Variants in ZNF185 observed in about 807,000 individuals in gnomAD.
ZNF185 encodes zinc finger protein 185.
ZNF185 carries 56 observed loss-of-function variants against 58.6 expected under a neutral mutation model. That is an observed-to-expected ratio of 0.95 (90% CI 0.77 to 1.19). ZNF185 has a LOEUF of 1.19. ZNF185 is among the 50% of genes most tolerant of loss of function. The pLI is 0.00. For missense variants in ZNF185, 627 were observed against 573.5 expected (o/e 1.09, Z -0.95); for synonymous variants, 230 against 215.9 (o/e 1.07, Z -0.57).
chrX:152,906,840 C>T, the ZNF185 span, among the ~76,000 whole-genome samples: 1 of 110,922 alleles, frequency 9.0e-6, no homozygotes, highest in African/African-American at 3.3e-5. Context: ...CACACATGCA[C>T]TGAGACAAGC....
upstream of ZNF185, among the ~76,000 whole-genome samples, chrX:152,913,825 G>A (rs1174496796): frequency 8.9e-6 from 1 of 112,177 alleles, no homozygotes; most frequent in Non-Finnish European, 1.9e-5. Flanking sequence ...ACTTATAGGA[G>A]CATCGGCGCA....
At chrX:152,905,627 C>T in the ZNF185 span, among the ~76,000 whole-genome samples, 1 of 110,401 alleles carries the variant, frequency 9.1e-6, no homozygotes, top group Non-Finnish European at 1.9e-5. Flanking sequence ...ACAGGAGCCT[C>T]GACACCCCCA....
At position 152,924,736 on chromosome X, in the gene ZNF185, G is replaced by A. The variant is rs1161988479; in HGVS notation, c.830+1927G>A. ...CGCTCTGTCGCCCAGGCTCTGTCGA[G>A]TACAGTGGTGTGATCTCGGCTCACC... On this transcript the variant is annotated intron_variant, in intron 11 of 22. Transcript: ENST00000449285. Among the ~76,000 whole-genome samples the A allele has an allele frequency of 3.6e-5, 4 of 112,519 alleles. No homozygotes were observed. In the Admixed American group the frequency reaches 3.7e-4, roughly 11 times the overall value.
chrX:152,938,472 C>A, intron 15 of ZNF185, among the ~76,000 whole-genome samples: 1 of 112,217 alleles, frequency 8.9e-6, no homozygotes, highest in Middle Eastern at 4.6e-3. Context: ...CACCTCTGCC[C>A]TCCAGGAACT....
intron 16 of ZNF185, among the ~76,000 whole-genome samples, chrX:152,948,992 G>T (rs1050095251): frequency 1.8e-5 from 2 of 111,891 alleles, no homozygotes; most frequent in Admixed American, 1.9e-4. Flanking sequence ...TGGACTAGGG[G>T]ACTAGCTGTG....
intron 10 of ZNF185, 111 bp downstream of exon 11, chrX:152,922,367 C>T: frequency 1.4e-6 from 1 of 712,858 alleles, no homozygotes; most frequent in Non-Finnish European, 2.1e-6. Flanking sequence ...AGATCAGTGT[C>T]CCCATGTGCC....
chrX:152,919,112 G>A, intron 7 of ZNF185, 31 bp downstream of exon 8: 1 of 1,125,088 alleles, frequency 8.9e-7, no homozygotes, highest in Non-Finnish European at 1.2e-6. Flanking sequence ...GGGCATCCCG[G>A]GGGGCAGGGC....
intron 16 of ZNF185, among the ~76,000 whole-genome samples, chrX:152,956,102 G>T (rs1025211618): frequency 2.7e-5 from 3 of 111,274 alleles, no homozygotes; most frequent in African/African-American, 9.8e-5. Flanking sequence ...GTTGAAGAGA[G>T]ACCATTTGAC....
intron 14 of ZNF185, among the ~76,000 whole-genome samples, chrX:152,937,459 GTGTCCTGGCTCCCCTC>G (rs200720152): frequency 0.013 from 1,397 of 110,932 alleles, 15 homozygotes; most frequent in Middle Eastern, 0.033. Context: ...AAGCCAAGCT[GTGTCCTGGCTCCCCTC>G]TGTCCTGGCT....
upstream of ZNF185, among the ~76,000 whole-genome samples, chrX:152,911,285 C>T (rs1569486806): frequency 1.8e-5 from 2 of 111,967 alleles, no homozygotes; most frequent in Non-Finnish European, 3.8e-5. Flanking sequence ...GGCAGGGCTA[C>T]CTTCCAGGGA....
At chrX:152,908,720 G>T in the ZNF185 span, among the ~76,000 whole-genome samples, 1 of 113,387 alleles carries the variant, frequency 8.8e-6, no homozygotes, top group Non-Finnish European at 1.9e-5. Context: ...AGCACTCGAG[G>T]CCGTCGTGCA....
At chrX:152,904,949 C>T in the ZNF185 span, among the ~76,000 whole-genome samples, 2 of 112,464 alleles carry the variant, frequency 1.8e-5, no homozygotes, top group African/African-American at 6.5e-5. Context: ...CCCATGGGCA[C>T]AGAGCATTCT....
chrX:152,905,883 A>G, the ZNF185 span, among the ~76,000 whole-genome samples: 3 of 111,422 alleles, frequency 2.7e-5, no homozygotes, highest in South Asian at 1.1e-3. Context: ...CCTCCCCTCC[A>G]GGGACTCCCC....
chrX:152,973,439 A>G (rs1199673893), exon 23 of ZNF185: 1 of 112,501 alleles, frequency 8.9e-6, no homozygotes, highest in African/African-American at 3.2e-5. Context: ...AATCCACACT[A>G]ATGTGCGCAA....
intron 15 of ZNF185, among the ~76,000 whole-genome samples, chrX:152,938,809 AGTGCTCC>A: frequency 1.1e-5 from 1 of 92,297 alleles, no homozygotes; most frequent in Non-Finnish European, 2.3e-5. Context: ...TGGGAAGGAT[AGTGCTCC>A]GAAGAAAACA....
intron 12 of ZNF185, among the ~76,000 whole-genome samples, chrX:152,931,200 A>C (rs1416487354): frequency 2.7e-5 from 3 of 112,400 alleles, no homozygotes; most frequent in African/African-American, 9.7e-5. Context: ...ACAACAACAA[A>C]AAACAAAAAA....
chrX:152,963,941 C>G (rs2049831699), exon 18 of ZNF185: 1 of 1,210,149 alleles, frequency 8.3e-7, no homozygotes, highest in Non-Finnish European at 1.1e-6. Flanking sequence ...TGGACTCCAG[C>G]TCTACCACGT....
At chrX:152,949,315 C>T (rs1431077644) in intron 16 of ZNF185, among the ~76,000 whole-genome samples, 1 of 112,875 alleles carries the variant, frequency 8.9e-6, no homozygotes, top group Admixed American at 9.3e-5. Context: ...TGCCCTGGCA[C>T]ACTGCTGTTT....
intron 14 of ZNF185, among the ~76,000 whole-genome samples, 152 bp from the exon 17 acceptor site, chrX:152,937,922 C>G (rs141681094): frequency 6.2e-5 from 7 of 112,761 alleles, no homozygotes; most frequent in Non-Finnish European, 1.3e-4. Flanking sequence ...ACAGTGGCAT[C>G]GGTGCCACAC....
Sources: allele counts gnomAD v4.1 joint callset (sites outside exome capture counted in the v4.1 genomes callset), GRCh38; gene constraint gnomAD v4.1.1; transcripts MANE v1.5; gene names NCBI Gene and HGNC (gene_info 2026-07-23, HGNC 2026-07-21).